Variants in MACROD2 observed in about 807,000 individuals in gnomAD.
MACROD2 encodes the protein ADP-ribose glycohydrolase MACROD2.
MACROD2 carries 36 observed loss-of-function variants against 70.4 expected under a neutral mutation model. The observed-to-expected ratio is 0.51, with a 90% CI of 0.39 to 0.68. The LOEUF is 0.68. MACROD2 is among the 30% of genes least tolerant of loss of function. The pLI is 0.00. For synonymous variants in MACROD2, 172 were observed against 178.8 expected, an observed-to-expected ratio of 0.96 and a Z score of 0.30; for missense variants, 496 against 538.4, an observed-to-expected ratio of 0.92 and a Z score of 0.78.
intron 8 of MACROD2, among the ~76,000 whole-genome samples, chr20:15,573,610 C>T (rs1045936787): frequency 6.6e-6 from 1 of 152,086 alleles, no homozygotes; most frequent in African/African-American, 2.4e-5. Flanking sequence ...ATTGAAGAAG[C>T]CTTATCTGCT....
intron 8 of MACROD2, among the ~76,000 whole-genome samples, chr20:15,597,452 T>C (rs2048760976): frequency 6.6e-6 from 1 of 152,166 alleles, no homozygotes; most frequent in Admixed American, 6.6e-5. Context: ...TGTAGGACTA[T>C]CTTGGATTCT....
At chr20:15,607,830 G>C (rs1217252474) in intron 8 of MACROD2, among the ~76,000 whole-genome samples, 1 of 152,036 alleles carries the variant, frequency 6.6e-6, no homozygotes, top group Non-Finnish European at 1.5e-5. Flanking sequence ...TACCGCGCCC[G>C]GCTGCAATAA....
intron 10 of MACROD2, among the ~76,000 whole-genome samples, chr20:15,908,780 G>A (rs2065187546): frequency 6.6e-6 from 1 of 152,116 alleles, no homozygotes; most frequent in Admixed American, 6.6e-5. Context: ...GGCATTGCAT[G>A]GGATTTTTGT....
chr20:15,369,524 T>A (rs536078863), intron 6 of MACROD2, among the ~76,000 whole-genome samples: 277 of 152,322 alleles, frequency 1.8e-3, no homozygotes, highest in South Asian at 5.4e-3. Flanking sequence ...TAGTGTATGT[T>A]TTATATTTGC....
intron 4 of MACROD2, among the ~76,000 whole-genome samples, chr20:14,667,019 C>T (rs1184715400): frequency 1.3e-5 from 2 of 151,642 alleles, no homozygotes; most frequent in Non-Finnish European, 2.9e-5. Flanking sequence ...ACAATCCTGC[C>T]TGAAAACTTC....
rs186009691 is a variant in MACROD2, at chr20:14,213,223, A to G, written c.271+127495A>G. On this transcript the variant is annotated intron_variant, in intron 3 of 17. Transcript: ENST00000684519. ...AGTCTTGATATTTTTAAAACTCACT[A>G]TAGTAAGCTTCACTTTTTTCTAATG... Among the ~76,000 whole-genome samples the G allele has an allele frequency of 2.4e-3, 366 of 151,960 alleles. 1 individual carries two copies. The highest frequency in any genetic ancestry group is 8.1e-3 in the African/African-American group (336 of 41,494).
intron 15 of MACROD2, among the ~76,000 whole-genome samples, chr20:16,018,774 A>G (rs1052043453): frequency 6.6e-6 from 1 of 152,140 alleles, no homozygotes; most frequent in Admixed American, 6.6e-5. Flanking sequence ...ACCTTCAAAC[A>G]TACACAAGTC....
rs2083967282 is a variant in MACROD2, at chr20:14,429,181, C to T, written c.272-64298C>T. 1.3e-5 allele frequency among the ~76,000 whole-genome samples: 2 copies of T among 151,920 alleles called. 1 individual carries two copies. The highest frequency in any genetic ancestry group is 4.2e-4 in the South Asian group (2 of 4,816). ...TGTAATATTTCATTTAAAATAAATCCCAGAGGTACAGGTTCTAAGGTTGTA... is the reference window on the plus strand; with the variant it reads ...TGTAATATTTCATTTAAAATAAATCTCAGAGGTACAGGTTCTAAGGTTGTA... On this transcript the variant is annotated intron_variant, in intron 3 of 17. Coordinates refer to ENST00000684519, the MANE Select transcript of MACROD2 (RefSeq NM_001351661.2).
intron 8 of MACROD2, among the ~76,000 whole-genome samples, chr20:15,530,215 C>T (rs2047777747): frequency 6.6e-6 from 1 of 152,136 alleles, no homozygotes; most frequent in South Asian, 2.1e-4. Flanking sequence ...AATGGAAACT[C>T]ATCCCAAGAG....
intron 5 of MACROD2, among the ~76,000 whole-genome samples, chr20:14,802,033 T>A (rs1442196323): frequency 6.6e-6 from 1 of 152,046 alleles, no homozygotes; most frequent in Admixed American, 6.6e-5. Flanking sequence ...TAGCAGAATT[T>A]AATTATATAT....
chr20:15,274,954 C>T (rs897351393), intron 6 of MACROD2, among the ~76,000 whole-genome samples: 2 of 151,644 alleles, frequency 1.3e-5, no homozygotes, highest in African/African-American at 2.4e-5. Flanking sequence ...AGTGGGGTGG[C>T]GAGGCGTGAG....
chr20:14,356,015 T>C lies in MACROD2; in HGVS notation c.272-137464T>C, dbSNP rs138698704. On this transcript the variant is annotated intron_variant, in intron 3 of 17. Coordinates refer to ENST00000684519, the MANE Select transcript of MACROD2 (RefSeq NM_001351661.2). ...CTCAGCTGGATTTCAAGAACAACCA[T>C]TGGATCCTGATTTAGTGGAATGCAC... is the stretch of plus-strand genomic sequence containing the variant. Among the ~76,000 whole-genome samples, 262 of 152,262 alleles carry C rather than the reference T, an allele frequency of 1.7e-3. 2 individuals carry two copies. Among genetic ancestry groups the C allele is most frequent in the Middle Eastern group, 6.8e-3 (2 of 294 alleles).
intron 9 of MACROD2, among the ~76,000 whole-genome samples, chr20:15,869,238 T>TATATATATATATAGAG: frequency 8.5e-4 from 24 of 28,290 alleles, no homozygotes; most frequent in African/African-American, 1.5e-3. Flanking sequence ...TATATATATA[T>TATATATATATATAGAG]AGAGAGAGAG....
intron 8 of MACROD2, among the ~76,000 whole-genome samples, chr20:15,595,823 C>CAAGTT (rs1400455196): frequency 1.9e-3 from 293 of 152,222 alleles, no homozygotes; most frequent in Admixed American, 7.5e-3. Flanking sequence ...TGTAACTTGG[C>CAAGTT]ACACTAATAG....
intron 3 of MACROD2, among the ~76,000 whole-genome samples, chr20:14,274,280 C>G (rs1287946416): frequency 7.2e-5 from 11 of 152,134 alleles, no homozygotes; most frequent in African/African-American, 1.4e-4. Flanking sequence ...AGCAGCACAT[C>G]AAAAAGCTTA....
At chr20:15,674,151 C>T (rs1257008893) in intron 8 of MACROD2, among the ~76,000 whole-genome samples, 3 of 151,866 alleles carry the variant, frequency 2.0e-5, no homozygotes, top group Admixed American at 6.6e-5. Flanking sequence ...TGGACCACAC[C>T]GAGTAGCAAA....
rs146207509 is a variant in MACROD2 at position 14,366,239 on chromosome 20, C to G, written c.272-127240C>G. On this transcript the variant is annotated intron_variant, in intron 3 of 17. Coordinates refer to ENST00000684519, the MANE Select transcript of MACROD2 (RefSeq NM_001351661.2). ...TTATTGTATAATTGGTTGCTTTTCC[C>G]TGCAATTCTGTCAATTTTTGCTTTA... 3.3e-3 allele frequency among the ~76,000 whole-genome samples: 503 copies of G among 152,184 alleles called. 2 individuals carry two copies. Among genetic ancestry groups the G allele is most frequent in the Non-Finnish European group, 4.0e-3 (272 of 68,016 alleles).
At chr20:15,032,361 C>A (rs891090827) in intron 5 of MACROD2, among the ~76,000 whole-genome samples, 1 of 152,244 alleles carries the variant, frequency 6.6e-6, no homozygotes, top group African/African-American at 2.4e-5. Context: ...GGCGCGCCTA[C>A]CCCTCTGCAC....
At chr20:15,560,803 G>GTCTT (rs2048233748) in intron 8 of MACROD2, among the ~76,000 whole-genome samples, 1 of 127,752 alleles carries the variant, frequency 7.8e-6, no homozygotes, top group Admixed American at 8.0e-5. Flanking sequence ...ACTGATCATA[G>GTCTT]TCTTTCTGTA....
Sources: allele counts gnomAD v4.1 joint callset (sites outside exome capture counted in the v4.1 genomes callset), GRCh38; gene constraint gnomAD v4.1.1; transcripts MANE v1.5; gene names NCBI Gene and HGNC (gene_info 2026-07-23, HGNC 2026-07-21).